The following DOC2A variants were observed in gnomAD, a reference collection of about 807,000 sequenced individuals.
DOC2A encodes double C2 domain alpha.
In DOC2A, 28 loss-of-function variants were observed where a neutral mutation model predicts 40.6. The observed-to-expected ratio is 0.69, with a 90% CI of 0.51 to 0.95. The LOEUF (loss-of-function observed/expected upper bound fraction) is 0.95. Among genes scored for constraint, DOC2A ranks in the 40% least tolerant of loss-of-function variants. The pLI is 0.00. For synonymous variants in DOC2A, 241 were observed against 236.9 expected (o/e 1.02, Z -0.16); for missense variants, 474 against 552.5 (o/e 0.86, Z 1.42).
At chr16:30,011,887 A>T (rs1317558081), upstream of DOC2A, among the ~76,000 whole-genome samples, 1 of 151,992 alleles carries the variant, frequency 6.6e-6, no homozygotes, top group Non-Finnish European at 1.5e-5. Flanking sequence ...TCTGCCCCGC[A>T]GGTGGGAAGG....
chr16:30,007,728 G>A, intron 5 of DOC2A: 1 of 277,594 alleles, frequency 3.6e-6, no homozygotes, highest in South Asian at 3.8e-5. Context: ...AGCCCCGCAG[G>A]GACTCACTAA....
chr16:30,007,461 C>G, intron 5 of DOC2A, 162 bp from the exon 6 acceptor site: 1 of 937,850 alleles, frequency 1.1e-6, no homozygotes, highest in Non-Finnish European at 1.6e-6. Context: ...ATTCCTCTGT[C>G]CCTCCCTCTG....
upstream of DOC2A, among the ~76,000 whole-genome samples, chr16:30,017,298 AAAAG>A (rs1003464067): frequency 6.6e-6 from 1 of 151,920 alleles, no homozygotes; most frequent in African/African-American, 2.4e-5. Context: ...AAAAAAGAGA[AAAAG>A]AAAGAAAGAA....
At chr16:30,020,848 A>C (rs904536993) in intron 1 of DOC2A, among the ~76,000 whole-genome samples, 2 of 151,870 alleles carry the variant, frequency 1.3e-5, no homozygotes, top group Non-Finnish European at 2.9e-5. Context: ...CTCCATCTAA[A>C]AAACAAAACA....
upstream of DOC2A, chr16:30,021,661 A>T (rs1471198319): frequency 2.0e-5 from 3 of 151,530 alleles, no homozygotes; most frequent in African/African-American, 7.3e-5. Context: ...GAGGCCCGGG[A>T]GTCCGCCCCG....
chr16:30,016,050 T>C (rs1359544611), upstream of DOC2A, among the ~76,000 whole-genome samples: 8 of 26,454 alleles, frequency 3.0e-4, no homozygotes, highest in Non-Finnish European at 5.9e-4. Context: ...TATATATATA[T>C]ATATATTTTT....
Position 30,009,933 on chromosome 16 carries a change from C to A in DOC2A, c.262+28G>T. The A allele has an allele frequency of 6.2e-7, 1 of 1,610,550 alleles. No individual in the cohort carries two copies. The highest frequency in any genetic ancestry group is 8.5e-7 in the Non-Finnish European group (1 of 1,179,448). On this transcript the variant is annotated intron_variant, in intron 2 of 10. Transcript: ENST00000350119. The surrounding 1 kb of genome is among the most constrained non-coding windows in gnomAD (Gnocchi z 4.1). ...GCAAGCCTGGAGACCCCCACCAGCA[C>A]ATGGGGCCTCCAAGCCCCCAGACTC...
In DOC2A at chr16:30,010,079, G is replaced by GC. The variant is rs1375233320; in HGVS notation, c.143dup (p.Gly49ArgfsTer26). 1 of 1,611,008 alleles carries GC rather than the reference G, an allele frequency of 6.2e-7. No individual in the cohort carries two copies. Among genetic ancestry groups the GC allele is most frequent in the Non-Finnish European group, 8.5e-7 (1 of 1,178,482 alleles). ...CCAGATGGGCGGGGGCCTCCCCGCCGCCCCCGCCGCCCCCTTCAGGTCCTG... is the reference window on the plus strand; with the variant it reads ...CCAGATGGGCGGGGGCCTCCCCGCCGCCCCCCGCCGCCCCCTTCAGGTCCTG... On this transcript the variant is annotated frameshift_variant, in exon 2 of 11. Coordinates refer to ENST00000350119, the MANE Select transcript of DOC2A (RefSeq NM_003586.3). LOFTEE classifies it high-confidence loss of function. This position sits in a 1 kb window ranked among gnomAD's most constrained non-coding sequence, Gnocchi z 4.2.
Position 30,009,606 on chromosome 16 carries a change from G to T in DOC2A, c.263-49C>A. ...TGGGTCGGTATGGAGACAGGTGTGT[G>T]CGAGAGGCCAGCAGGTGGGCACTGG... On this transcript the variant is annotated intron_variant, in intron 2 of 10. Transcript: ENST00000350119. This position sits in a 1 kb window ranked among gnomAD's most constrained non-coding sequence, Gnocchi z 4.1. The T allele has an allele frequency of 2.7e-6, 4 of 1,494,606 alleles. No homozygotes were observed. Among genetic ancestry groups the T allele is most frequent in the Non-Finnish European group, 3.6e-6 (4 of 1,099,574 alleles). 92.6% of individuals were successfully genotyped at this position (1,494,606 alleles called of 1,614,324 possible).
chr16:30,008,959 C>G, intron 5 of DOC2A, 37 bp downstream of exon 5: 1 of 1,403,248 alleles, frequency 7.1e-7, no homozygotes, highest in African/African-American at 1.4e-5. Flanking sequence ...CAGCTGTCCC[C>G]GAGCTGCTGC....
Position 30,010,462 on chromosome 16 carries a change from G to T in DOC2A, c.-13-227C>A. On this transcript the variant is annotated intron_variant, in intron 1 of 10. Transcript: ENST00000350119. The surrounding 1 kb of genome is among the most constrained non-coding windows in gnomAD (Gnocchi z 4.2). ...CCAACCCACTCCTTGCAGAAGTCGA[G>T]GTTGCACCACCCCGTCCTCACCCAC... The T allele has an allele frequency of 1.6e-6, 1 of 622,022 alleles. No homozygotes were observed. Among genetic ancestry groups the T allele is most frequent in the Non-Finnish European group, 2.9e-6 (1 of 348,350 alleles). The allele number at this position is 622,022 out of a possible 1,614,324, so 38.5% of individuals were successfully genotyped here. A position where few individuals can be genotyped will look rare whatever the true frequency, so the allele number is the denominator to read the frequency against.
chr16:30,019,182 G>T (rs757519044), intron 1 of DOC2A, among the ~76,000 whole-genome samples: 11 of 152,290 alleles, frequency 7.2e-5, no homozygotes, highest in Admixed American at 2.0e-4. Context: ...GCTGGGTGTG[G>T]TGGTGGGTGC....
intron 1 of DOC2A, among the ~76,000 whole-genome samples, chr16:30,020,326 G>T (rs1431143893): frequency 6.6e-6 from 1 of 152,118 alleles, no homozygotes; most frequent in Non-Finnish European, 1.5e-5. Context: ...TCATAGGTGT[G>T]AGCACCGCGC....
At position 30,010,341 on chromosome 16, in the gene DOC2A, C is replaced by T; in HGVS notation, c.-13-106G>A. The T allele has an allele frequency of 3.4e-6, 5 of 1,488,418 alleles. No individual in the cohort carries two copies. Among genetic ancestry groups the T allele is most frequent in the Non-Finnish European group, 4.6e-6 (5 of 1,081,904 alleles). 92.2% of individuals were successfully genotyped at this position (1,488,418 alleles called of 1,614,324 possible). The stretch of plus-strand genomic sequence containing the variant: ...GTGGGGCCCTCACTGGCCTCCCTTC[C>T]TAGGTGTCGAGGGAGAGGGTGGTGT... On this transcript the variant is annotated intron_variant, in intron 1 of 10. Coordinates refer to ENST00000350119, the MANE Select transcript of DOC2A (RefSeq NM_003586.3). This position sits in a 1 kb window ranked among gnomAD's most constrained non-coding sequence, Gnocchi z 4.2.
rs2070760164 is a variant in DOC2A at position 30,010,899 on chromosome 16, C to G, written c.-14+4G>C. ...CCCCGGCCTGCCCAGCCCCCTGCAC[C>G]TGCCTCTGCCTCCAACAGGTGCCCA... On this transcript the variant is annotated splice_donor_region_variant and intron_variant, in intron 1 of 10. Transcript: ENST00000350119. The surrounding 1 kb of genome is among the most constrained non-coding windows in gnomAD (Gnocchi z 4.2). 9.8e-7 allele frequency: 1 copy of G among 1,019,168 alleles called. No individual in the cohort carries two copies. Among genetic ancestry groups the G allele is most frequent in the Non-Finnish European group, 1.2e-6 (1 of 849,442 alleles). 63.1% of individuals were successfully genotyped at this position (1,019,168 alleles called of 1,614,324 possible). A position where few individuals can be genotyped will look rare whatever the true frequency, so the allele number is the denominator to read the frequency against.
chr16:30,017,343 T>C, intron 1 of DOC2A, among the ~76,000 whole-genome samples: 1 of 151,502 alleles, frequency 6.6e-6, no homozygotes. Context: ...CCTGCACTTG[T>C]GTGTTTATTG....
rs374002165 is a variant in DOC2A, at chr16:30,006,556, C to T, written c.960+40G>A. Reference sequence around the variant, plus strand: ...CGTTCGTGAGCCAGCTCCCCAGCCCCTCCCTGGCCTCCCTCCATGTCCCGT... The same window carrying T: ...CGTTCGTGAGCCAGCTCCCCAGCCCTTCCCTGGCCTCCCTCCATGTCCCGT... On this transcript the variant is annotated intron_variant, in intron 9 of 10. Transcript: ENST00000350119. The surrounding 1 kb of genome is among the most constrained non-coding windows in gnomAD (Gnocchi z 6.2). The T allele has an allele frequency of 6.2e-6, 10 of 1,613,636 alleles. No homozygotes were observed. Among genetic ancestry groups the T allele is most frequent in the Non-Finnish European group, 7.6e-6 (9 of 1,179,648 alleles).
chr16:30,022,608 C>T (rs900244744), upstream of DOC2A, among the ~76,000 whole-genome samples: 1 of 152,092 alleles, frequency 6.6e-6, no homozygotes, highest in African/African-American at 2.4e-5. Context: ...GAGTTCAAGG[C>T]TGCAGTAATC....
At chr16:30,008,694 G>A (rs892691569) in intron 5 of DOC2A, 5 of 357,378 alleles carry the variant, frequency 1.4e-5, no homozygotes, top group East Asian at 6.6e-5. Context: ...TAGTAGAGAC[G>A]GGGGTTTCAC....
Sources: allele counts gnomAD v4.1 joint callset (sites outside exome capture counted in the v4.1 genomes callset), GRCh38; gene constraint gnomAD v4.1.1; non-coding constraint Gnocchi (gnomAD v3.1); transcripts MANE v1.5; gene names NCBI Gene and HGNC (gene_info 2026-07-23, HGNC 2026-07-21).